The following FSTL4 variants were observed in gnomAD, a reference collection of about 807,000 sequenced individuals.
FSTL4 encodes follistatin like 4.
FSTL4 carries 28 observed loss-of-function variants against 78.2 expected under a neutral mutation model. The ratio of observed to expected loss-of-function variants is 0.36; its 90% CI spans 0.27 to 0.49. The LOEUF (loss-of-function observed/expected upper bound fraction) is 0.49, where lower values mean the gene tolerates loss of function less well. Ranked by LOEUF, FSTL4 falls within the 20% of genes least tolerant of loss-of-function variation. The pLI, the probability that FSTL4 is intolerant of heterozygous loss-of-function variation, is 0.98. For synonymous variants in FSTL4, 422 were observed against 440.5 expected (o/e 0.96, Z 0.53); for missense variants, 922 against 1,084.9 (o/e 0.85, Z 2.11).
In FSTL4 at chr5:133,232,062, A is replaced by C. The variant is rs73790243; in HGVS notation, c.1015+1355T>G. Among the ~76,000 whole-genome samples, 874 of 152,268 alleles carry C rather than the reference A, an allele frequency of 5.7e-3. 10 individuals carry two copies. The highest frequency in any genetic ancestry group is 0.02 in the African/African-American group (834 of 41,546). On this transcript the variant is annotated intron_variant, in intron 8 of 15. Transcript: ENST00000265342. ...ATCGCTACTTGTCTGAACTGTGGGG[A>C]GGTCAAGGGTGTTTTTAATTTAATG...
intron 3 of FSTL4, among the ~76,000 whole-genome samples, chr5:133,432,507 G>A (rs1212182444): frequency 6.6e-6 from 1 of 152,216 alleles, no homozygotes; most frequent in Non-Finnish European, 1.5e-5. Flanking sequence ...TGAGAATTAA[G>A]AGTTCGAGCT....
At chr5:133,406,207 GGA>G (rs1409928711) in intron 3 of FSTL4, among the ~76,000 whole-genome samples, 1 of 152,248 alleles carries the variant, frequency 6.6e-6, no homozygotes, top group Non-Finnish European at 1.5e-5. Flanking sequence ...CCTGGGGGAA[GGA>G]GAGAGTGGAG....
the FSTL4 span, among the ~76,000 whole-genome samples, chr5:133,776,595 AT>A: frequency 6.6e-6 from 1 of 152,072 alleles, no homozygotes; most frequent in Non-Finnish European, 1.5e-5. Context: ...AAATACCTTT[AT>A]TTCTCAGAGC....
chr5:133,369,576 G>C (rs1217459391), intron 4 of FSTL4, among the ~76,000 whole-genome samples: 2 of 152,236 alleles, frequency 1.3e-5, no homozygotes, highest in Non-Finnish European at 2.9e-5. Flanking sequence ...GGTGAGGTTA[G>C]AACACCAAGT....
chr5:133,394,680 C>T lies in FSTL4; in HGVS notation c.409+6058G>A, dbSNP rs748497555. On this transcript the variant is annotated intron_variant, in intron 4 of 15. Coordinates refer to ENST00000265342, the MANE Select transcript of FSTL4 (RefSeq NM_015082.2). ...TGGCCCGAGCCTCCCCAACGAGCGC[C>T]GCCACCTGCTCCGTGGCACCAGGTC... Among the ~76,000 whole-genome samples the T allele has an allele frequency of 3.9e-5, 6 of 152,214 alleles. 1 individual carries two copies. The highest frequency in any genetic ancestry group is 4.8e-5 in the African/African-American group (2 of 41,442).
chr5:133,254,869 C>T (rs773642025), intron 6 of FSTL4, among the ~76,000 whole-genome samples: 1 of 152,196 alleles, frequency 6.6e-6, no homozygotes, highest in African/African-American at 2.4e-5. Flanking sequence ...GTTCAGTGAT[C>T]ACACATCTCC....
At chr5:133,362,730 A>G (rs971093073) in intron 4 of FSTL4, among the ~76,000 whole-genome samples, 21 of 152,256 alleles carry the variant, frequency 1.4e-4, no homozygotes, top group African/African-American at 5.1e-4. Context: ...GGCTGAGCAC[A>G]GGAGGTGCTT....
At chr5:133,439,938 T>C (rs115052719) in intron 3 of FSTL4, among the ~76,000 whole-genome samples, 1,705 of 152,298 alleles carry the variant, frequency 0.011, 21 homozygotes, top group Non-Finnish European at 0.018. Context: ...ATTCAGGGCG[T>C]GGACACCCTG....
At chr5:133,387,875 C>G (rs1489763255) in intron 4 of FSTL4, 2 of 152,022 alleles carry the variant, frequency 1.3e-5, no homozygotes, top group Non-Finnish European at 2.9e-5. Flanking sequence ...GTGGCTGATC[C>G]TTCCCATGGT....
the FSTL4 span, among the ~76,000 whole-genome samples, chr5:133,695,127 C>T: frequency 6.6e-6 from 1 of 152,188 alleles, no homozygotes; most frequent in African/African-American, 2.4e-5. Context: ...CCAGGCCTGC[C>T]ATGTTGCAGT....
chr5:133,250,893 T>A (rs1037246900), intron 6 of FSTL4, among the ~76,000 whole-genome samples: 1 of 151,808 alleles, frequency 6.6e-6, no homozygotes, highest in African/African-American at 2.4e-5. Context: ...GATGGATGGA[T>A]GAGAAATGGA....
chr5:133,212,930 A>C (rs1055077764), intron 13 of FSTL4, among the ~76,000 whole-genome samples: 1 of 152,240 alleles, frequency 6.6e-6, no homozygotes, highest in African/African-American at 2.4e-5. Context: ...ATAACTGAAG[A>C]TAATGAAATG....
intron 8 of FSTL4, among the ~76,000 whole-genome samples, chr5:133,230,939 C>T (rs909750051): frequency 6.6e-6 from 1 of 152,174 alleles, no homozygotes; most frequent in Non-Finnish European, 1.5e-5. Flanking sequence ...GACGCAGCTT[C>T]TCCTGCAGTG....
At chr5:133,718,927 T>C in the FSTL4 span, among the ~76,000 whole-genome samples, 2 of 152,258 alleles carry the variant, frequency 1.3e-5, no homozygotes, top group East Asian at 3.8e-4. Context: ...AAGCAACATA[T>C]ATTCTACAAG....
chr5:133,571,405 G>A (rs1053891405), intron 2 of FSTL4, among the ~76,000 whole-genome samples: 32 of 152,250 alleles, frequency 2.1e-4, no homozygotes, highest in East Asian at 1.4e-3. Flanking sequence ...GGCATAGCAC[G>A]AAATGGGATC....
At chr5:133,840,303 G>A in the FSTL4 span, among the ~76,000 whole-genome samples, 1 of 152,234 alleles carries the variant, frequency 6.6e-6, no homozygotes, top group South Asian at 2.1e-4. Flanking sequence ...ATATCTTCCA[G>A]TGCATATGCA....
chr5:133,565,875 A>C (rs1760016412), intron 3 of FSTL4, among the ~76,000 whole-genome samples: 1 of 152,208 alleles, frequency 6.6e-6, no homozygotes, highest in Non-Finnish European at 1.5e-5. Flanking sequence ...GCATAAACAG[A>C]ATATTATTCA....
At chr5:133,706,902 G>A in the FSTL4 span, among the ~76,000 whole-genome samples, 1 of 152,116 alleles carries the variant, frequency 6.6e-6, no homozygotes, top group African/African-American at 2.4e-5. Flanking sequence ...TGATTCTCTG[G>A]CAGCTCATCA....
intron 4 of FSTL4, among the ~76,000 whole-genome samples, chr5:133,322,429 A>C (rs1754094033): frequency 6.6e-6 from 1 of 152,178 alleles, no homozygotes; most frequent in Admixed American, 6.5e-5. Context: ...CCCCCAAAGC[A>C]GTCCCTGAGA....
Sources: gnomAD v4.1 joint callset for allele counts (sites outside exome capture counted in the v4.1 genomes callset) on GRCh38, gnomAD v4.1.1 for gene constraint, MANE v1.5 for transcripts, NCBI Gene and HGNC (gene_info 2026-07-23, HGNC 2026-07-21) for gene names.